DDX4: variants seen among roughly 807,000 people sequenced by gnomAD.
DDX4 encodes DEAD-box helicase 4.
A neutral mutation model predicts 100.0 loss-of-function variants in DDX4; 25 were observed. That is an observed-to-expected ratio of 0.25 (90% confidence interval 0.18 to 0.35). DDX4 has a LOEUF of 0.35. DDX4 is among the 10% of genes least tolerant of loss of function. The pLI, the probability that DDX4 is intolerant of heterozygous loss-of-function variation, is 1.00. For missense variants in DDX4, 635 were observed against 882.4 expected (o/e 0.72, Z 3.55); for synonymous variants, 259 against 275.7 (o/e 0.94, Z 0.60).
At chr5:55,791,919 G>T (rs1742585984) in intron 16 of DDX4, among the ~76,000 whole-genome samples, 2 of 152,006 alleles carry the variant, frequency 1.3e-5, no homozygotes, top group Admixed American at 6.6e-5. Context: ...AGACCATCCT[G>T]GTTAACATGG....
chr5:55,760,844 C>T (rs548589964), intron 4 of DDX4, among the ~76,000 whole-genome samples: 1 of 152,178 alleles, frequency 6.6e-6, no homozygotes, highest in East Asian at 1.9e-4. Flanking sequence ...GAAATATGTG[C>T]TATATTTTAT....
At chr5:55,765,301 C>T (rs1481621416) in intron 6 of DDX4, among the ~76,000 whole-genome samples, 2 of 150,416 alleles carry the variant, frequency 1.3e-5, no homozygotes, top group African/African-American at 4.9e-5. Flanking sequence ...AATACAAATT[C>T]CAGTTTCTCA....
At chr5:55,762,252 G>GT (rs550286817) in intron 4 of DDX4, among the ~76,000 whole-genome samples, 12 of 152,130 alleles carry the variant, frequency 7.9e-5, no homozygotes, top group Admixed American at 2.6e-4. Flanking sequence ...ATTTTATGCT[G>GT]TTTTGGATGT....
chr5:55,746,790 C>T (rs1453112737), intron 3 of DDX4, among the ~76,000 whole-genome samples: 1 of 152,110 alleles, frequency 6.6e-6, no homozygotes, highest in African/African-American at 2.4e-5. Flanking sequence ...ATCATTTTTC[C>T]CCTTGGGTTG....
chr5:55,781,044 A>G, intron 8 of DDX4, 22 bp from the exon 9 acceptor site: 1 of 1,588,262 alleles, frequency 6.3e-7, no homozygotes, highest in African/African-American at 1.4e-5. Context: ...ATGTAATCTA[A>G]TTTTACTTTC....
chr5:55,763,339 T>G, intron 5 of DDX4, 87 bp downstream of exon 5: 1 of 853,362 alleles, frequency 1.2e-6, no homozygotes, highest in Non-Finnish European at 2.0e-6. Flanking sequence ...AGACATTCCA[T>G]ATTGACATTT....
At chr5:55,795,131 A>G (rs1447744326) in intron 17 of DDX4, among the ~76,000 whole-genome samples, 1 of 151,818 alleles carries the variant, frequency 6.6e-6, no homozygotes, top group African/African-American at 2.4e-5. Context: ...ACGTCCGGCT[A>G]ATTTTGTATT....
chr5:55,785,948 T>C, intron 13 of DDX4, 77 bp downstream of exon 13: 1 of 982,988 alleles, frequency 1.0e-6, no homozygotes, highest in South Asian at 1.5e-5. Context: ...TTTGTAAAGC[T>C]GATATCAACA....
In DDX4 at chr5:55,816,737, C is replaced by A; in HGVS notation, c.*197C>A. 2 of 878,346 alleles carry A rather than the reference C, an allele frequency of 2.3e-6. No individual in the cohort carries two copies. The highest frequency in any genetic ancestry group is 3.3e-5 in the Admixed American group (1 of 29,856). The allele number at this position is 878,346 out of a possible 1,614,324, so 54.4% of individuals were successfully genotyped here. A position where few individuals can be genotyped will look rare whatever the true frequency, so the allele number is the denominator to read the frequency against. On this transcript the variant is annotated 3_prime_UTR_variant, in exon 22 of 22. Transcript: ENST00000505374. ...ACTTACAACATTGCAGTTACTGATA[C>A]AAATGGTGTTAACTGGGAATATTAA...
intron 9 of DDX4, 94 bp from the exon 10 acceptor site, chr5:55,781,840 T>G: frequency 7.1e-7 from 1 of 1,401,028 alleles, no homozygotes; most frequent in South Asian, 1.2e-5. Flanking sequence ...GATTCCTAAG[T>G]AATAACTTTG....
chr5:55,738,734 A>G (rs1407960880), intron 1 of DDX4, among the ~76,000 whole-genome samples: 1 of 152,210 alleles, frequency 6.6e-6, no homozygotes, highest in Non-Finnish European at 1.5e-5. Flanking sequence ...TGACTAGGTA[A>G]GAGGTTCAAC....
At chr5:55,803,208 T>C (rs560219721) in intron 18 of DDX4, among the ~76,000 whole-genome samples, 8 of 151,776 alleles carry the variant, frequency 5.3e-5, no homozygotes, top group Admixed American at 5.2e-4. Flanking sequence ...GTTTGTTTTT[T>C]TGTCCTTGCA....
rs34529525 is a variant in DDX4, at chr5:55,749,809, CTT to C, written c.127+3603_127+3604del. On this transcript the variant is annotated intron_variant, in intron 3 of 21. Transcript: ENST00000505374. ...GAGCAATTCTTTTGTATGTGTGTGT[CTT>C]TTTTTTTTTTTTTTCCCAGAAAACT... 7.6e-4 allele frequency among the ~76,000 whole-genome samples: 103 copies of C among 134,810 alleles called. 1 individual carries two copies. Among genetic ancestry groups the C allele is most frequent in the Admixed American group, 1.8e-3 (24 of 13,564 alleles). 88.4% of individuals were successfully genotyped at this position (134,810 alleles called of 152,430 possible). A position where few individuals can be genotyped will look rare whatever the true frequency, so the allele number is the denominator to read the frequency against.
intron 7 of DDX4, among the ~76,000 whole-genome samples, chr5:55,768,583 G>A (rs918284467): frequency 6.6e-6 from 1 of 152,246 alleles, no homozygotes; most frequent in East Asian, 1.9e-4. Context: ...GTGCTGTGGT[G>A]AACATATGTG....
In DDX4 at chr5:55,815,407, C is replaced by T; in HGVS notation, c.2081C>T (p.Ser694Leu). ...AGTACAAGAGGAAACGTGTTTGCAT[C>T]AGTTGATACCAGAAAGGTTAGTAGA... ...SGSTRGNVFA[S>L]VDTRKGKSTL... The change falls in exon 21 of 22, where the codon TCA becomes TTA. Residue 694 changes from serine (S) to leucine (L), a missense_variant. By Grantham distance (145) the Ser-to-Leu change is moderately radical (BLOSUM62 -2). Around this residue, in one of 4 missense-constraint regions of DDX4, gnomAD observed 73 missense variants for 98.5 expected, o/e 0.74. Coordinates refer to ENST00000505374, the MANE Select transcript of DDX4 (RefSeq NM_024415.3). 3.7e-6 allele frequency: 6 copies of T among 1,611,362 alleles called. No homozygotes were observed. The highest frequency in any genetic ancestry group is 3.3e-5 in the South Asian group (3 of 89,952).
chr5:55,816,767 T>C lies in DDX4; in HGVS notation c.*227T>C. 1 of 627,498 alleles carries C rather than the reference T, an allele frequency of 1.6e-6. No homozygotes were observed. Among genetic ancestry groups the C allele is most frequent in the Non-Finnish European group, 2.4e-6 (1 of 414,664 alleles). The allele number at this position is 627,498 out of a possible 1,614,324, so 38.9% of individuals were successfully genotyped here. On this transcript the variant is annotated 3_prime_UTR_variant, in exon 22 of 22. Transcript: ENST00000505374. ...GGTGTTAACTGGGAATATTAAAGCA[T>C]TCTAAATGTCTTTCTTATTTCTGGT...
chr5:55,808,211 C>A (rs1198477079), intron 18 of DDX4, among the ~76,000 whole-genome samples: 3 of 152,064 alleles, frequency 2.0e-5, no homozygotes, highest in Admixed American at 6.6e-5. Context: ...TTCTAGTTAG[C>A]CATTCGTCTA....
Position 55,790,138 on chromosome 5 carries a change from CTT to C in DDX4, c.1173-415_1173-414del, listed in dbSNP as rs35365600. On this transcript the variant is annotated intron_variant, in intron 15 of 21. Coordinates refer to ENST00000505374, the MANE Select transcript of DDX4 (RefSeq NM_024415.3). ...AAAAAAAAATCAAGTAAAATATCAC[CTT>C]TTTTTTTTTTTTTTTTTTTTTTAAG... Among the ~76,000 whole-genome samples the C allele has an allele frequency of 4.0e-3, 404 of 102,016 alleles. 4 individuals are homozygous for C. The highest frequency in any genetic ancestry group is 0.015 in the African/African-American group (379 of 25,934). The allele number at this position is 102,016 out of a possible 152,430, so 66.9% of individuals were successfully genotyped here.
At chr5:55,802,983 T>C (rs1743419184) in intron 18 of DDX4, among the ~76,000 whole-genome samples, 1 of 152,176 alleles carries the variant, frequency 6.6e-6, no homozygotes, top group East Asian at 1.9e-4. Flanking sequence ...TTTTTTAGGG[T>C]ACATGTGCAC....
Sources: gnomAD v4.1 joint callset for allele counts (sites outside exome capture counted in the v4.1 genomes callset) on GRCh38, gnomAD v4.1.1 for gene constraint, gnomAD v4.1.1 regional missense constraint, MANE v1.5 for transcripts, NCBI Gene and HGNC (gene_info 2026-07-23, HGNC 2026-07-21) for gene names.